Variants in ZNF423 observed in about 807,000 individuals in gnomAD.
ZNF423 encodes zinc finger protein 423, also known as Ebf-associated zinc finger protein.
Under a neutral mutation model 95.8 loss-of-function variants are expected in ZNF423, and 12 were observed. That is an observed-to-expected ratio of 0.13 (90% CI 0.08 to 0.20). The LOEUF (loss-of-function observed/expected upper bound fraction) is 0.20, where lower values mean the gene tolerates loss of function less well. Ranked by LOEUF, ZNF423 falls within the 10% of genes least tolerant of loss-of-function variation. ZNF423 has a pLI of 1.00. For missense variants in ZNF423, 1,316 were observed against 1,737.1 expected, an observed-to-expected ratio of 0.76 and a Z score of 4.31; for synonymous variants, 749 against 711.9, an observed-to-expected ratio of 1.05 and a Z score of -0.83.
chr16:49,715,392 G>A (rs1283213929), intron 3 of ZNF423, among the ~76,000 whole-genome samples: 2 of 152,182 alleles, frequency 1.3e-5, no homozygotes, highest in Admixed American at 6.5e-5. Context: ...ACCCGGGGAA[G>A]GCAGGTGGTG....
chr16:49,642,743 A>G (rs989838362), intron 3 of ZNF423, among the ~76,000 whole-genome samples: 1 of 150,650 alleles, frequency 6.6e-6, no homozygotes, highest in Non-Finnish European at 1.5e-5. Context: ...GAGATAAGCT[A>G]GGGCCAAAGC....
intron 3 of ZNF423, among the ~76,000 whole-genome samples, chr16:49,688,167 C>T (rs1259741860): frequency 1.3e-5 from 2 of 151,212 alleles, no homozygotes; most frequent in Non-Finnish European, 2.9e-5. Context: ...ACCTGAGGCC[C>T]GGCTGTTTGA....
Position 49,636,242 on chromosome 16 carries a change from C to G in ZNF423, c.2934G>C (p.Ser978=). The stretch of plus-strand genomic sequence containing the variant: ...CCTTGTGTTCGGTGAGCGTCAGCAG[C>G]GAAGGGAAGCGCTCACCACAGATGG... ...MCPICGERFP[S]LLTLTEHKVT... Residue 978 remains serine (S), a synonymous_variant, in exon 4 of 8, where the codon TCG becomes TCC. Coordinates refer to ENST00000563137, the MANE Select transcript of ZNF423 (RefSeq NM_001379286.1). This position sits in a 1 kb window ranked among gnomAD's most constrained non-coding sequence, Gnocchi z 8.6. 6.2e-7 allele frequency: 1 copy of G among 1,612,906 alleles called. No individual in the cohort carries two copies.
chr16:49,841,741 T>A (rs776445106), intron 1 of ZNF423, among the ~76,000 whole-genome samples: 1 of 152,240 alleles, frequency 6.6e-6, no homozygotes, highest in Non-Finnish European at 1.5e-5. Context: ...GCCTCCAGGC[T>A]TCCTGAGGAC....
chr16:49,631,857 G>C (rs1179901263), intron 4 of ZNF423, among the ~76,000 whole-genome samples: 1 of 152,208 alleles, frequency 6.6e-6, no homozygotes, highest in Non-Finnish European at 1.5e-5. Flanking sequence ...TGGGGTAAGT[G>C]GAGTTTCAAG....
At chr16:49,716,024 C>A (rs1189297866) in intron 3 of ZNF423, among the ~76,000 whole-genome samples, 1 of 151,988 alleles carries the variant, frequency 6.6e-6, no homozygotes, top group Non-Finnish European at 1.5e-5. Flanking sequence ...GGAGGAGAAG[C>A]CGCAAGAGGC....
chr16:49,589,629 G>A (rs1970944469), intron 5 of ZNF423, among the ~76,000 whole-genome samples: 1 of 152,066 alleles, frequency 6.6e-6, no homozygotes, highest in African/African-American at 2.4e-5. Flanking sequence ...ATTCACAGGG[G>A]CTCAGCGGTT....
At chr16:49,626,516 C>A (rs1406965972) in intron 4 of ZNF423, among the ~76,000 whole-genome samples, 1 of 152,062 alleles carries the variant, frequency 6.6e-6, no homozygotes, top group Admixed American at 6.5e-5. Context: ...TTTAAGGGAG[C>A]TGAGGGGAGG....
chr16:49,798,707 G>A (rs538934874), intron 1 of ZNF423, among the ~76,000 whole-genome samples: 1 of 152,214 alleles, frequency 6.6e-6, no homozygotes, highest in Admixed American at 6.5e-5. Flanking sequence ...CCACGTCGGC[G>A]CTTGTATAAC....
At chr16:49,547,909 C>T (rs909665058) in intron 5 of ZNF423, among the ~76,000 whole-genome samples, 2 of 152,188 alleles carry the variant, frequency 1.3e-5, no homozygotes, top group Non-Finnish European at 2.9e-5. Context: ...ACAACGAGGA[C>T]CATCCCCACC....
chr16:49,617,268 C>T (rs887530476), intron 5 of ZNF423, among the ~76,000 whole-genome samples: 2 of 152,210 alleles, frequency 1.3e-5, no homozygotes, highest in Admixed American at 1.3e-4. Flanking sequence ...AGGTCTGAGG[C>T]TCTGAAGCCC....
chr16:49,532,745 T>C (rs1032693653), intron 5 of ZNF423, among the ~76,000 whole-genome samples: 3 of 152,224 alleles, frequency 2.0e-5, no homozygotes, highest in Non-Finnish European at 4.4e-5. Context: ...TTATCTTTTT[T>C]TGATCTGTGG....
At chr16:49,527,315 C>A (rs1968652475) in intron 5 of ZNF423, among the ~76,000 whole-genome samples, 1 of 152,236 alleles carries the variant, frequency 6.6e-6, no homozygotes, top group Non-Finnish European at 1.5e-5. Flanking sequence ...TTTATACTAG[C>A]AGAAAAGGAA....
chr16:49,838,751 G>A lies in ZNF423; in HGVS notation c.40+16984C>T, dbSNP rs2035149034. ...GCGCAGAACAAGCCAGGCCCCACCC[G>A]GGCCGCGTGAGCGAGCTGCGCAGCC... is the stretch of plus-strand genomic sequence containing the variant. On this transcript the variant is annotated intron_variant, in intron 1 of 7. Coordinates refer to ENST00000563137, the MANE Select transcript of ZNF423 (RefSeq NM_001379286.1). 4.0e-5 allele frequency among the ~76,000 whole-genome samples: 6 copies of A among 151,824 alleles called. No homozygotes were observed. The South Asian group carries it at 8.3e-4, about 21-fold the overall frequency.
chr16:49,657,744 G>C (rs1366162649), intron 3 of ZNF423, among the ~76,000 whole-genome samples: 3 of 152,226 alleles, frequency 2.0e-5, no homozygotes, highest in African/African-American at 7.2e-5. Context: ...CTTCCTGGGA[G>C]TGCCTCCTCG....
Position 49,627,450 on chromosome 16 carries a change from TATATACCCAC to T in ZNF423, c.3517-1206_3517-1197del. The stretch of plus-strand genomic sequence containing the variant: ...CCATCTACCCATCCATCCATCTACA[TATATACCCAC>T]CCATCCATCCTCCATCTACCCATTC... On this transcript the variant is annotated intron_variant, in intron 4 of 7. Transcript: ENST00000563137. 6.0e-5 allele frequency among the ~76,000 whole-genome samples: 8 copies of T among 133,938 alleles called. No individual in the cohort carries two copies. In the Admixed American group the frequency reaches 6.0e-4, roughly 10 times the overall value. The allele number at this position is 133,938 out of a possible 152,430, so 87.9% of individuals were successfully genotyped here.
At chr16:49,821,648 C>A (rs183838955) in intron 1 of ZNF423, among the ~76,000 whole-genome samples, 1 of 152,324 alleles carries the variant, frequency 6.6e-6, no homozygotes, top group African/African-American at 2.4e-5. Context: ...GAAGAGATTT[C>A]TCTCTTCCTT....
At chr16:49,592,427 A>G (rs1567489698) in intron 5 of ZNF423, among the ~76,000 whole-genome samples, 1 of 149,194 alleles carries the variant, frequency 6.7e-6, no homozygotes, top group Non-Finnish European at 1.5e-5. Context: ...CCACCACATC[A>G]TCATCTACTC....
At chr16:49,541,714 T>G (rs963148035) in intron 5 of ZNF423, among the ~76,000 whole-genome samples, 5 of 152,182 alleles carry the variant, frequency 3.3e-5, no homozygotes, top group Non-Finnish European at 7.3e-5. Context: ...AATTGAATCA[T>G]GGGGGCAGTT....
Sources: gnomAD v4.1 joint callset for allele counts (sites outside exome capture counted in the v4.1 genomes callset) on GRCh38, gnomAD v4.1.1 for gene constraint, Gnocchi (gnomAD v3.1) non-coding constraint, MANE v1.5 for transcripts, NCBI Gene and HGNC (gene_info 2026-07-23, HGNC 2026-07-21) for gene names.